PAPOLA: variants seen among roughly 807,000 people sequenced by gnomAD.
PAPOLA encodes poly(A) polymerase alpha.
PAPOLA carries 15 observed loss-of-function variants against 100.6 expected under a neutral mutation model. The ratio of observed to expected loss-of-function variants is 0.15; its 90% CI spans 0.10 to 0.23. PAPOLA has a LOEUF of 0.23. PAPOLA is among the 10% of genes least tolerant of loss of function. The probability of loss-of-function intolerance (pLI) is 1.00; values close to 1 mark genes in which losing one functional copy is unlikely to be tolerated. For synonymous variants in PAPOLA, 293 were observed against 300.0 expected (o/e 0.98, Z 0.24); for missense variants, 533 against 884.2 (o/e 0.60, Z 5.04).
chr14:96,560,143 G>A (rs1437841230), intron 19 of PAPOLA, among the ~76,000 whole-genome samples: 1 of 152,090 alleles, frequency 6.6e-6, no homozygotes, highest in Non-Finnish European at 1.5e-5. Context: ...CCCAAGCAAG[G>A]CATTTCTCAA....
chr14:96,523,748 G>C (rs1473598679), intron 3 of PAPOLA, among the ~76,000 whole-genome samples: 1 of 152,132 alleles, frequency 6.6e-6, no homozygotes, highest in Non-Finnish European at 1.5e-5. Context: ...TTCGAGACAA[G>C]CCTGACTAAC....
At chr14:96,512,654 C>T (rs1056245205) in intron 1 of PAPOLA, among the ~76,000 whole-genome samples, 1 of 152,124 alleles carries the variant, frequency 6.6e-6, no homozygotes, top group Admixed American at 6.5e-5. Flanking sequence ...ACTTTTTTTT[C>T]TCCTGATACA....
chr14:96,564,835 T>C (rs1902150817), intron 21 of PAPOLA, 120 bp from the exon 22 acceptor site: 15 of 615,122 alleles, frequency 2.4e-5, no homozygotes, highest in Admixed American at 9.8e-5. Flanking sequence ...TATAGAGTTT[T>C]TAAATTTGTA....
intron 1 of PAPOLA, among the ~76,000 whole-genome samples, chr14:96,503,417 TTTTTC>T (rs1220520974): frequency 1.3e-5 from 2 of 152,132 alleles, no homozygotes; most frequent in African/African-American, 2.4e-5. Context: ...CCACTGCGCC[TTTTTC>T]TTTTCTTGGT....
intron 19 of PAPOLA, among the ~76,000 whole-genome samples, chr14:96,557,775 T>G (rs1029275018): frequency 6.6e-6 from 1 of 151,568 alleles, no homozygotes; most frequent in Admixed American, 6.6e-5. Context: ...ATAGCTGCTA[T>G]TAACTAAAAG....
chr14:96,551,398 G>A (rs931366384), intron 16 of PAPOLA, among the ~76,000 whole-genome samples: 2 of 152,074 alleles, frequency 1.3e-5, no homozygotes, highest in Admixed American at 6.5e-5. Flanking sequence ...TCTATTTCAC[G>A]ACTGACTTCA....
At chr14:96,552,730 A>G in intron 17 of PAPOLA, 108 bp downstream of exon 17, 2 of 1,068,890 alleles carry the variant, frequency 1.9e-6, no homozygotes, top group Non-Finnish European at 1.3e-6. Context: ...TTTTCATTCC[A>G]TCTACTAATT....
At chr14:96,532,284 T>TTGTTTTG (rs1899092247) in intron 7 of PAPOLA, 47 bp from the exon 8 acceptor site, 2 of 1,345,340 alleles carry the variant, frequency 1.5e-6, no homozygotes, top group Non-Finnish European at 2.0e-6. Context: ...TTGTTTTGTT[T>TTGTTTTG]TGTGTGTGTG....
chr14:96,524,338 TC>T (rs1179799759), intron 3 of PAPOLA, among the ~76,000 whole-genome samples: 1 of 152,178 alleles, frequency 6.6e-6, no homozygotes, highest in Non-Finnish European at 1.5e-5. Context: ...TTCTCCCTCT[TC>T]CTGATGATGC....
intron 15 of PAPOLA, 112 bp downstream of exon 15, chr14:96,544,370 G>A: frequency 1.6e-6 from 1 of 615,266 alleles, no homozygotes; most frequent in Non-Finnish European, 2.9e-6. Context: ...TGCGAATATT[G>A]AACTATCATC....
At chr14:96,510,862 C>G (rs371933007) in intron 1 of PAPOLA, among the ~76,000 whole-genome samples, 1 of 152,184 alleles carries the variant, frequency 6.6e-6, no homozygotes, top group East Asian at 1.9e-4. Context: ...CTGTAAGCTA[C>G]TATCATGCCG....
At chr14:96,539,090 T>TA (rs1899766513) in intron 12 of PAPOLA, among the ~76,000 whole-genome samples, 1 of 152,116 alleles carries the variant, frequency 6.6e-6, no homozygotes, top group Admixed American at 6.5e-5. Flanking sequence ...AACAGTTTTT[T>TA]AAATGCCGCT....
chr14:96,521,500 A>T (rs927206737), intron 3 of PAPOLA, among the ~76,000 whole-genome samples: 3 of 151,572 alleles, frequency 2.0e-5, no homozygotes, highest in Admixed American at 1.3e-4. Context: ...TTTTTTATTT[A>T]TTTTTTTTGA....
intron 16 of PAPOLA, among the ~76,000 whole-genome samples, chr14:96,549,137 C>G (rs566984896): frequency 1.3e-5 from 2 of 152,156 alleles, no homozygotes; most frequent in Non-Finnish European, 2.9e-5. Context: ...ATAATAAATG[C>G]TCATATTGGC....
rs941924114 is a variant in PAPOLA at position 96,556,509 on chromosome 14, G to A, written c.2004+96G>A. 1.1e-5 allele frequency: 9 copies of A among 829,420 alleles called. No individual in the cohort carries two copies. The Admixed American group carries it at 2.0e-4, about 18-fold the overall frequency. 51.4% of individuals were successfully genotyped at this position (829,420 alleles called of 1,614,324 possible). On this transcript the variant is annotated intron_variant, in intron 19 of 21. Coordinates refer to ENST00000216277, the MANE Select transcript of PAPOLA (RefSeq NM_032632.5). ...AAAGTTTATGAACCAAAATAGAGAA[G>A]GATCAAGGAACAAAGCTTTTAGAAA... is the stretch of plus-strand genomic sequence containing the variant.
At position 96,535,160 on chromosome 14, in the gene PAPOLA, TAAAAG is replaced by T. The variant is rs527546272; in HGVS notation, c.909+601_909+605del. Reference sequence around the variant, plus strand: ...TAACAACATGCACTTTATAAACTGATAAAAGAAATTTAGGTTTGAATAAGATTTCC... The same window carrying T: ...TAACAACATGCACTTTATAAACTGATAAATTTAGGTTTGAATAAGATTTCC... On this transcript the variant is annotated intron_variant, in intron 10 of 21. Transcript: ENST00000216277. 9.1e-5 allele frequency: 85 copies of T among 934,490 alleles called. 1 individual carries two copies. The African/African-American group carries it at 1.1e-3, about 12-fold the overall frequency. 57.9% of individuals were successfully genotyped at this position (934,490 alleles called of 1,614,324 possible).
rs1899595783 is a variant in PAPOLA, at chr14:96,537,013, A to G, written c.1068A>G (p.Ala356=). ...CAGATGAAATTTTGCTGAGTAAGGC[A>G]GAGTGGTCCAAACTTTTTGAAGCTC... ...AITDEILLSK[A]EWSKLFEAPN... The change falls in exon 12 of 22, where the codon GCA becomes GCG. Residue 356 remains alanine (A), a synonymous_variant. Transcript: ENST00000216277. 6.2e-7 allele frequency: 1 copy of G among 1,610,002 alleles called. No individual in the cohort carries two copies. The highest frequency in any genetic ancestry group is 8.5e-7 in the Non-Finnish European group (1 of 1,176,362).
At chr14:96,532,858 A>C in intron 9 of PAPOLA, 1 of 1,283,468 alleles carries the variant, frequency 7.8e-7, no homozygotes, top group Middle Eastern at 3.0e-4. Context: ...GGCAGATTCT[A>C]TTTGTACTTC....
At chr14:96,554,792 A>G (rs1901154381) in intron 17 of PAPOLA, among the ~76,000 whole-genome samples, 1 of 152,192 alleles carries the variant, frequency 6.6e-6, no homozygotes. Context: ...TGATGATTTG[A>G]GTTTCTTGAG....
Sources: gnomAD v4.1 joint callset for allele counts (sites outside exome capture counted in the v4.1 genomes callset) on GRCh38, gnomAD v4.1.1 for gene constraint, MANE v1.5 for transcripts, NCBI Gene and HGNC (gene_info 2026-07-23, HGNC 2026-07-21) for gene names.